ACER1: variants seen among roughly 807,000 people sequenced by gnomAD.
ACER1 encodes CTB-180A7.3.
In ACER1, 28 loss-of-function variants were observed where a neutral mutation model predicts 24.9. That is an observed-to-expected ratio of 1.13 (90% confidence interval 0.83 to 1.54). The LOEUF is 1.54. Among genes scored for constraint, ACER1 ranks in the 40% most tolerant of loss-of-function variants. The pLI, the probability that ACER1 is intolerant of heterozygous loss-of-function variation, is 0.00. For synonymous variants in ACER1, 132 were observed against 131.4 expected (o/e 1.00, Z -0.03); for missense variants, 352 against 349.3 (o/e 1.01, Z -0.06).
chr19:6,327,337 A>C (rs2091666211), intron 1 of ACER1, among the ~76,000 whole-genome samples: 1 of 151,986 alleles, frequency 6.6e-6, no homozygotes. Context: ...AGGCTGAGGC[A>C]GGCGGATCAC....
intron 1 of ACER1, among the ~76,000 whole-genome samples, chr19:6,314,986 G>A (rs1297184515): frequency 6.6e-6 from 1 of 151,666 alleles, no homozygotes; most frequent in Non-Finnish European, 1.5e-5. Flanking sequence ...CCGCCTCCTG[G>A]GTTCACACCA....
the ACER1 span, among the ~76,000 whole-genome samples, chr19:6,351,681 T>TCTTTGTGCAGTGAGCA: frequency 0.09 from 13,530 of 150,998 alleles, 1,265 homozygotes; most frequent in African/African-American, 0.25. Flanking sequence ...TGCAGTGAGC[T>TCTTTGTGCAGTGAGCA]GTGATTGCGC....
At chr19:6,338,662 A>T in the ACER1 span, among the ~76,000 whole-genome samples, 1 of 151,962 alleles carries the variant, frequency 6.6e-6, no homozygotes, top group Non-Finnish European at 1.5e-5. Flanking sequence ...ATCACAGGCC[A>T]CTGCAGCCTC....
intron 1 of ACER1, among the ~76,000 whole-genome samples, chr19:6,317,527 C>A (rs1438525423): frequency 6.6e-6 from 1 of 152,192 alleles, no homozygotes; most frequent in Admixed American, 6.5e-5. Flanking sequence ...CAAACAAACA[C>A]AATGTTCCCT....
chr19:6,355,197 C>A, the ACER1 span, among the ~76,000 whole-genome samples: 14 of 152,178 alleles, frequency 9.2e-5, no homozygotes, highest in East Asian at 2.7e-3. Context: ...CAGCCGCCTG[C>A]CTTGGCCTCC....
chr19:6,316,807 G>A (rs543942178), intron 1 of ACER1, among the ~76,000 whole-genome samples: 20 of 141,978 alleles, frequency 1.4e-4, no homozygotes, highest in Non-Finnish European at 2.3e-4. Flanking sequence ...GCGACAGAGC[G>A]AGACTCCCTC....
chr19:6,351,980 T>C, the ACER1 span, among the ~76,000 whole-genome samples: 1 of 146,530 alleles, frequency 6.8e-6, no homozygotes, highest in African/African-American at 2.5e-5. Context: ...GGCGTGAACC[T>C]GGGTGGCGGA....
At chr19:6,329,472 T>C (rs1286454645) in intron 1 of ACER1, among the ~76,000 whole-genome samples, 2 of 152,134 alleles carry the variant, frequency 1.3e-5, no homozygotes, top group Admixed American at 6.6e-5. Flanking sequence ...TGTTTCTGTA[T>C]GATACACATC....
At chr19:6,330,419 C>T (rs879882818) in intron 1 of ACER1, among the ~76,000 whole-genome samples, 5 of 150,238 alleles carry the variant, frequency 3.3e-5, no homozygotes, top group Admixed American at 6.6e-5. Flanking sequence ...CTACCTGCCT[C>T]GGCCTCCCAA....
the ACER1 span, among the ~76,000 whole-genome samples, chr19:6,339,550 C>T: frequency 2.0e-5 from 3 of 152,252 alleles, no homozygotes; most frequent in Admixed American, 1.3e-4. Flanking sequence ...GTGATGGCTG[C>T]ATAGACATGC....
intron 4 of ACER1, 105 bp downstream of exon 4, chr19:6,309,592 A>G (rs541435817): frequency 7.1e-5 from 101 of 1,427,116 alleles, no homozygotes; most frequent in Non-Finnish European, 9.7e-5. Context: ...GCTACTTGTT[A>G]GTGGGTGATC....
chr19:6,332,247 G>A (rs529091642), intron 1 of ACER1, among the ~76,000 whole-genome samples: 43 of 149,350 alleles, frequency 2.9e-4, no homozygotes, highest in African/African-American at 9.4e-4. Flanking sequence ...GATTACAGGC[G>A]TGAGCCTCCG....
intron 5 of ACER1, 111 bp from the exon 6 acceptor site, chr19:6,306,993 G>C: frequency 2.0e-6 from 3 of 1,488,394 alleles, no homozygotes; most frequent in Non-Finnish European, 2.7e-6. Context: ...AGCCTTCTGG[G>C]TCTGGCCCCG....
At chr19:6,327,565 A>AAAAT (rs973895984) in intron 1 of ACER1, among the ~76,000 whole-genome samples, 10 of 151,362 alleles carry the variant, frequency 6.6e-5, no homozygotes, top group South Asian at 2.1e-4. Context: ...ACTCCGTCTC[A>AAAAT]AAATAAATAA....
intron 1 of ACER1, among the ~76,000 whole-genome samples, chr19:6,327,552 G>A (rs990423245): frequency 2.6e-5 from 4 of 151,448 alleles, no homozygotes; most frequent in Admixed American, 6.6e-5. Context: ...GCGGCAGAGC[G>A]AGACTCCGTC....
upstream of ACER1, among the ~76,000 whole-genome samples, chr19:6,335,806 G>C (rs892305444): frequency 2.6e-5 from 4 of 151,714 alleles, no homozygotes; most frequent in Non-Finnish European, 4.4e-5. Flanking sequence ...ACTCCAGCCT[G>C]GGTGACAGAG....
At chr19:6,357,497 C>T in the ACER1 span, among the ~76,000 whole-genome samples, 1 of 151,932 alleles carries the variant, frequency 6.6e-6, no homozygotes, top group African/African-American at 2.4e-5. Flanking sequence ...CTCAGCCAAG[C>T]GCGGTGGTTC....
At chr19:6,307,058 C>A in intron 5 of ACER1, 95 bp downstream of exon 5, 1 of 1,557,588 alleles carries the variant, frequency 6.4e-7, no homozygotes, top group Non-Finnish European at 8.7e-7. Flanking sequence ...CCTCTCTCTG[C>A]TTCTCCAACC....
the ACER1 span, chr19:6,353,231 C>T: frequency 6.6e-6 from 1 of 152,044 alleles, no homozygotes; most frequent in Non-Finnish European, 1.5e-5. Context: ...GCTTGGCAAG[C>T]TAAGGTGGGA....
Sources: allele counts gnomAD v4.1 joint callset (sites outside exome capture counted in the v4.1 genomes callset), GRCh38; gene constraint gnomAD v4.1.1; transcripts MANE v1.5; gene names NCBI Gene and HGNC (gene_info 2026-07-23, HGNC 2026-07-21).